Variants in ASTN2 observed in about 807,000 individuals in gnomAD.
ASTN2 encodes astrotactin 2.
Under a neutral mutation model 139.8 loss-of-function variants are expected in ASTN2, and 54 were observed. The ratio of observed to expected loss-of-function variants is 0.39; its 90% CI spans 0.31 to 0.48. The LOEUF is 0.48. Ranked by LOEUF, ASTN2 falls within the 20% of genes least tolerant of loss-of-function variation. The probability of loss-of-function intolerance (pLI) is 0.95; values close to 1 mark genes in which losing one functional copy is unlikely to be tolerated. For synonymous variants in ASTN2, 756 were observed against 719.5 expected (o/e 1.05, Z -0.81); for missense variants, 1,565 against 1,725.1 (o/e 0.91, Z 1.64).
chr9:117,267,977 T>C (rs1024336957), intron 2 of ASTN2, among the ~76,000 whole-genome samples: 13 of 152,220 alleles, frequency 8.5e-5, no homozygotes, highest in Middle Eastern at 3.2e-3. Context: ...ACATAAACAA[T>C]GCCAATCATT....
intron 17 of ASTN2, among the ~76,000 whole-genome samples, chr9:116,633,205 A>C (rs1856895672): frequency 6.6e-6 from 1 of 152,234 alleles, no homozygotes; most frequent in Non-Finnish European, 1.5e-5. Context: ...AACTCTAGGG[A>C]GAAGACATAG....
In ASTN2 at chr9:116,975,211, A is replaced by C; in HGVS notation, c.1886T>G (p.Val629Gly). The C allele has an allele frequency of 6.2e-7, 1 of 1,607,430 alleles. No homozygotes were observed. The highest frequency in any genetic ancestry group is 8.5e-7 in the Non-Finnish European group (1 of 1,177,138). ...DVLVTEDPAD[V>G]REEAMLSTYF... ...AGTACTGGAGATGATTCCCTACCTG[A>C]CATCTGCAGGGTCTTCCGTGACGAG... The change falls in exon 10 of 23, where the codon GTC becomes GGC. Residue 629 changes from valine (V) to glycine (G), a missense_variant. Val to Gly is a moderately radical substitution (Grantham distance 109). This residue lies in a region of ASTN2 where 503 missense variants were observed against 591.7 expected (regional missense o/e 0.85). Transcript: ENST00000313400.
intron 22 of ASTN2, among the ~76,000 whole-genome samples, chr9:116,427,974 T>C (rs377690608): frequency 6.6e-6 from 1 of 152,272 alleles, no homozygotes. Flanking sequence ...AATGAGGCTG[T>C]TGTGAAGTTG....
chr9:117,376,434 C>T (rs1462818403), intron 1 of ASTN2, among the ~76,000 whole-genome samples: 1 of 152,150 alleles, frequency 6.6e-6, no homozygotes, highest in Non-Finnish European at 1.5e-5. Context: ...ATGAATAATC[C>T]TTATGAATGA....
At chr9:116,512,951 T>A (rs142201909) in intron 19 of ASTN2, among the ~76,000 whole-genome samples, 1 of 152,220 alleles carries the variant, frequency 6.6e-6, no homozygotes, top group African/African-American at 2.4e-5. Flanking sequence ...TGACTCTTTA[T>A]CCAATTTGCC....
chr9:117,273,232 G>A (rs1368656016), intron 2 of ASTN2, among the ~76,000 whole-genome samples: 15 of 152,156 alleles, frequency 9.9e-5, no homozygotes, highest in Admixed American at 9.8e-4. Flanking sequence ...TCACTATCAT[G>A]AGAATAGCAT....
At chr9:116,834,517 A>G (rs1831925149) in intron 11 of ASTN2, among the ~76,000 whole-genome samples, 1 of 152,206 alleles carries the variant, frequency 6.6e-6, no homozygotes, top group Non-Finnish European at 1.5e-5. Context: ...TCTTCATGGT[A>G]AATGATATTT....
intron 13 of ASTN2, among the ~76,000 whole-genome samples, chr9:116,792,048 T>G (rs956953016): frequency 1.3e-5 from 2 of 152,118 alleles, no homozygotes; most frequent in African/African-American, 4.8e-5. Flanking sequence ...TTTAGAGATG[T>G]TAACATTGAG....
At chr9:116,482,198 C>T (rs111820619) in intron 20 of ASTN2, among the ~76,000 whole-genome samples, 23 of 152,118 alleles carry the variant, frequency 1.5e-4, no homozygotes, top group African/African-American at 5.3e-4. Context: ...TGGTGGCAGG[C>T]GCCTGTAGTC....
intron 1 of ASTN2, among the ~76,000 whole-genome samples, chr9:117,370,949 C>T (rs891161348): frequency 5.9e-5 from 9 of 152,146 alleles, no homozygotes; most frequent in Admixed American, 3.3e-4. Flanking sequence ...AGTTGGATGT[C>T]CCTACATTAT....
At chr9:116,498,412 C>T (rs1849738959) in intron 19 of ASTN2, among the ~76,000 whole-genome samples, 1 of 147,138 alleles carries the variant, frequency 6.8e-6, no homozygotes, top group Admixed American at 6.7e-5. Context: ...TAGCAAGACC[C>T]CATCTCTAAA....
At chr9:117,024,125 C>T (rs1245540931) in intron 6 of ASTN2, among the ~76,000 whole-genome samples, 7 of 152,104 alleles carry the variant, frequency 4.6e-5, no homozygotes, top group African/African-American at 1.7e-4. Context: ...TGAATCTGTC[C>T]AAGCCCAACT....
chr9:116,602,187 T>G (rs1372916998), intron 19 of ASTN2, among the ~76,000 whole-genome samples: 1 of 152,132 alleles, frequency 6.6e-6, no homozygotes, highest in Non-Finnish European at 1.5e-5. Context: ...TTTTAGTAAC[T>G]TGGTGGTAGC....
intron 2 of ASTN2, among the ~76,000 whole-genome samples, chr9:117,264,897 A>G (rs1011303877): frequency 1.4e-4 from 22 of 152,218 alleles, no homozygotes; most frequent in African/African-American, 5.3e-4. Context: ...TTGTAAGTTG[A>G]TATTTCGGAA....
At chr9:117,247,008 C>A (rs187018697) in intron 2 of ASTN2, among the ~76,000 whole-genome samples, 1 of 152,238 alleles carries the variant, frequency 6.6e-6, no homozygotes, top group Non-Finnish European at 1.5e-5. Context: ...AACAGAAAAG[C>A]AACTAGTTTC....
chr9:116,451,262 C>T (rs1321369146), intron 20 of ASTN2, among the ~76,000 whole-genome samples: 1 of 152,162 alleles, frequency 6.6e-6, no homozygotes, highest in Admixed American at 6.5e-5. Flanking sequence ...CACCAGAACT[C>T]AGAAATAATT....
chr9:116,787,835 A>G (rs1397723470), intron 13 of ASTN2, among the ~76,000 whole-genome samples: 1 of 152,190 alleles, frequency 6.6e-6, no homozygotes, highest in Non-Finnish European at 1.5e-5. Flanking sequence ...TGAATAAAGT[A>G]TGAACTTTAG....
intron 17 of ASTN2, among the ~76,000 whole-genome samples, chr9:116,628,803 G>C (rs1856588718): frequency 6.6e-6 from 1 of 152,184 alleles, no homozygotes. Context: ...TGTTAATAGT[G>C]GGGGAGGCTA....
rs72137868 is a variant in ASTN2 at position 116,783,262 on chromosome 9, TTTCC to T, written c.2396+22366_2396+22369del. On this transcript the variant is annotated intron_variant, in intron 13 of 22. Coordinates refer to ENST00000313400, the MANE Select transcript of ASTN2 (RefSeq NM_001365068.1). Reference sequence around the variant, plus strand: ...GTCTCACAGGCAAACTCATAAAATCTTTCCTTCCTTCCTTCCTTCCTTCCTTCCT... The same window carrying T: ...GTCTCACAGGCAAACTCATAAAATCTTTCCTTCCTTCCTTCCTTCCTTCCT... Among the ~76,000 whole-genome samples, 1,311 of 132,350 alleles carry T rather than the reference TTTCC, an allele frequency of 9.9e-3. 4 individuals carry two copies. Among genetic ancestry groups the T allele is most frequent in the Non-Finnish European group, 0.015 (997 of 64,830 alleles). 86.8% of individuals were successfully genotyped at this position (132,350 alleles called of 152,430 possible).
Sources: gnomAD v4.1 joint callset for allele counts (sites outside exome capture counted in the v4.1 genomes callset) on GRCh38, gnomAD v4.1.1 for gene constraint, gnomAD v4.1.1 regional missense constraint, MANE v1.5 for transcripts, NCBI Gene and HGNC (gene_info 2026-07-23, HGNC 2026-07-21) for gene names.